The following RORA variants were observed in gnomAD, a reference collection of about 807,000 sequenced individuals.
The protein encoded by RORA is nuclear receptor ROR-alpha.
In RORA, 7 loss-of-function variants were observed where a neutral mutation model predicts 69.5. The observed-to-expected ratio is 0.10, with a 90% confidence interval of 0.06 to 0.19. The LOEUF is 0.19. Ranked by LOEUF, RORA falls within the 10% of genes least tolerant of loss-of-function variation. RORA has a pLI of 1.00. For missense variants in RORA, 457 were observed against 663.0 expected (o/e 0.69, Z 3.41); for synonymous variants, 261 against 240.8 (o/e 1.08, Z -0.78).
chr15:60,901,558 T>G (rs2078327694), intron 1 of RORA, among the ~76,000 whole-genome samples: 1 of 152,232 alleles, frequency 6.6e-6, no homozygotes, highest in Non-Finnish European at 1.5e-5. Context: ...ATTTGTAAAT[T>G]ACACCCAAAT....
intron 1 of RORA, among the ~76,000 whole-genome samples, chr15:60,743,413 A>G (rs957738236): frequency 1.3e-5 from 2 of 152,196 alleles, no homozygotes; most frequent in African/African-American, 4.8e-5. Context: ...CTACTTATTA[A>G]TTGGCCCTGT....
At chr15:61,145,575 A>G (rs1472690332) in intron 1 of RORA, among the ~76,000 whole-genome samples, 1 of 152,244 alleles carries the variant, frequency 6.6e-6, no homozygotes, top group Non-Finnish European at 1.5e-5. Context: ...AGACTGAGAA[A>G]GAGTAACAGA....
intron 2 of RORA, chr15:60,627,202 C>T: frequency 6.3e-7 from 1 of 1,597,544 alleles, no homozygotes; most frequent in Non-Finnish European, 8.6e-7. Flanking sequence ...ACACAGTGAT[C>T]AGCAGAGCAA....
At chr15:61,093,270 T>G (rs2078736088) in intron 1 of RORA, among the ~76,000 whole-genome samples, 1 of 152,220 alleles carries the variant, frequency 6.6e-6, no homozygotes, top group Non-Finnish European at 1.5e-5. Flanking sequence ...ATTACTGTGT[T>G]CCTACCAATA....
chr15:60,759,066 A>G (rs1239719201), intron 1 of RORA, among the ~76,000 whole-genome samples: 4 of 152,238 alleles, frequency 2.6e-5, no homozygotes, highest in African/African-American at 9.6e-5. Context: ...GTTGAACTGC[A>G]TCAACCTATT....
chr15:61,191,957 C>G (rs949239152), intron 1 of RORA, among the ~76,000 whole-genome samples: 1 of 152,238 alleles, frequency 6.6e-6, no homozygotes. Flanking sequence ...AATGAAGATA[C>G]AACTGCTGTC....
chr15:60,769,898 C>T (rs924073803), intron 1 of RORA, among the ~76,000 whole-genome samples: 12 of 152,176 alleles, frequency 7.9e-5, no homozygotes, highest in Non-Finnish European at 1.6e-4. Flanking sequence ...CTGCCTAGTT[C>T]CTCTTCTACT....
rs954095042 is a variant in RORA, at chr15:61,128,557, C to T, written c.166+100496G>A. 3.9e-5 allele frequency among the ~76,000 whole-genome samples: 6 copies of T among 152,054 alleles called. No homozygotes were observed. Among genetic ancestry groups the T allele is most frequent in the Non-Finnish European group, 8.8e-5 (6 of 67,996 alleles). On this transcript the variant is annotated intron_variant, in intron 1 of 10. Transcript: ENST00000335670. The surrounding 1 kb of genome is among the most constrained non-coding windows in gnomAD (Gnocchi z 4.5). ...GATTACGTTAGATAACTCAGGGATA[C>T]GGGGAGAGAGAAATCCTGGGGTGTG...
At chr15:60,974,564 T>G (rs1295165780) in intron 1 of RORA, among the ~76,000 whole-genome samples, 2 of 152,278 alleles carry the variant, frequency 1.3e-5, no homozygotes, top group Non-Finnish European at 2.9e-5. Flanking sequence ...ATCAGGACCC[T>G]TAAGAGCCAA....
chr15:60,765,423 C>T (rs1248185223), intron 1 of RORA: 1 of 152,022 alleles, frequency 6.6e-6, no homozygotes, highest in African/African-American at 2.4e-5. Context: ...CCTTAGGATA[C>T]TGACAGTCTT....
intron 1 of RORA, among the ~76,000 whole-genome samples, chr15:61,075,353 C>T (rs555374650): frequency 6.6e-6 from 1 of 152,254 alleles, no homozygotes; most frequent in Non-Finnish European, 1.5e-5. Context: ...TCCAAGGTCA[C>T]CTTGAAGGGA....
At chr15:60,558,201 C>T in intron 2 of RORA, 1 of 1,548,254 alleles carries the variant, frequency 6.5e-7, no homozygotes, top group Non-Finnish European at 8.9e-7. Context: ...GAGGACAGGT[C>T]AGGAGGCCTT....
chr15:60,505,195 T>A (rs66517471), intron 6 of RORA, among the ~76,000 whole-genome samples: 11,213 of 152,302 alleles, frequency 0.074, 485 homozygotes, highest in Middle Eastern at 0.12. Flanking sequence ...AAAATCTTGA[T>A]TGTGATATTG....
At chr15:60,910,610 C>T (rs1216731226) in intron 1 of RORA, among the ~76,000 whole-genome samples, 1 of 152,154 alleles carries the variant, frequency 6.6e-6, no homozygotes, top group East Asian at 1.9e-4. Context: ...AGGACTGAGA[C>T]TCAGAGAGTT....
chr15:60,498,990 C>A (rs1406261791), intron 10 of RORA, among the ~76,000 whole-genome samples: 1 of 151,996 alleles, frequency 6.6e-6, no homozygotes, highest in African/African-American at 2.4e-5. Flanking sequence ...ATACATACTA[C>A]TAGCAATGGC....
intron 1 of RORA, among the ~76,000 whole-genome samples, chr15:61,030,036 C>A (rs1415263805): frequency 6.6e-6 from 1 of 152,112 alleles, no homozygotes; most frequent in Admixed American, 6.5e-5. Flanking sequence ...CCTGAAACTG[C>A]ATAATTGGAA....
intron 1 of RORA, among the ~76,000 whole-genome samples, chr15:60,885,806 T>C (rs1336835133): frequency 6.6e-6 from 1 of 152,218 alleles, no homozygotes; most frequent in Non-Finnish European, 1.5e-5. Flanking sequence ...CTCAACTTCC[T>C]CATGTGTAAA....
chr15:60,911,069 ATTTTTTTTTTTTTTTTTTTTTTT>A (rs528370848), intron 1 of RORA, among the ~76,000 whole-genome samples: 4 of 89,700 alleles, frequency 4.5e-5, no homozygotes, highest in African/African-American at 2.1e-4. Flanking sequence ...TGCCCAGCTA[ATTTTTTTTTTTTTTTTTTTTTTT>A]TTTTTTTTTT....
chr15:60,947,447 TA>T (rs766503404), intron 1 of RORA, among the ~76,000 whole-genome samples: 27 of 151,896 alleles, frequency 1.8e-4, no homozygotes, highest in Admixed American at 3.9e-4. Context: ...TTAAATGGAT[TA>T]AGGGCGGTGC....
Sources: gnomAD v4.1 joint callset for allele counts (sites outside exome capture counted in the v4.1 genomes callset) on GRCh38, gnomAD v4.1.1 for gene constraint, Gnocchi (gnomAD v3.1) non-coding constraint, MANE v1.5 for transcripts, NCBI Gene and HGNC (gene_info 2026-07-23, HGNC 2026-07-21) for gene names.